The following CTBP1 variants were observed in gnomAD, a reference collection of about 807,000 sequenced individuals.
CTBP1 encodes the protein C-terminal binding protein 1.
Under a neutral mutation model 42.1 loss-of-function variants are expected in CTBP1, and 11 were observed. That is an observed-to-expected ratio of 0.26 (90% CI 0.16 to 0.43). The LOEUF is 0.43. CTBP1 is among the 20% of genes least tolerant of loss of function. The pLI is 1.00. For synonymous variants in CTBP1, 324 were observed against 277.1 expected (o/e 1.17, Z -1.68); for missense variants, 399 against 624.3 (o/e 0.64, Z 3.85).
At chr4:1,243,837 A>C in intron 1 of CTBP1, 2 of 984,936 alleles carry the variant, frequency 2.0e-6, no homozygotes, top group Non-Finnish European at 2.4e-6. Flanking sequence ...CTCATCAAAA[A>C]CTCACAGCCG....
At chr4:1,244,777 TC>T in intron 1 of CTBP1, 1 of 985,082 alleles carries the variant, frequency 1.0e-6, no homozygotes, top group South Asian at 4.7e-5. Context: ...CTGCCGTGAG[TC>T]CCCGGCAGCC....
At chr4:1,221,699 G>C (rs1489215717) in intron 5 of CTBP1, 4 of 344,772 alleles carry the variant, frequency 1.2e-5, no homozygotes, top group African/African-American at 8.7e-5. Flanking sequence ...CTAGGAAGCG[G>C]GACCCGGGTC....
chr4:1,243,648 G>C (rs1365626222), intron 1 of CTBP1: 16 of 985,318 alleles, frequency 1.6e-5, no homozygotes, highest in Non-Finnish European at 1.9e-5. Flanking sequence ...CCCTCACCTA[G>C]GGCAATGCCA....
chr4:1,241,808 C>A, intron 1 of CTBP1: 2 of 1,178,982 alleles, frequency 1.7e-6, no homozygotes, highest in Non-Finnish European at 1.1e-6. Context: ...GCCACCCCCA[C>A]AGGCTCTAGC....
chr4:1,229,154 AC>A (rs1730702068), intron 3 of CTBP1, among the ~76,000 whole-genome samples: 1 of 152,064 alleles, frequency 6.6e-6, no homozygotes, highest in Non-Finnish European at 1.5e-5. Context: ...GCTCCCAGTT[AC>A]CCCCAGCCCA....
intron 5 of CTBP1, among the ~76,000 whole-genome samples, chr4:1,222,003 GC>G (rs1476925350): frequency 6.6e-6 from 1 of 152,204 alleles, no homozygotes; most frequent in Non-Finnish European, 1.5e-5. Flanking sequence ...GCCACACGCT[GC>G]CCAGGGCTTC....
chr4:1,239,820 G>GT (rs1731970196), intron 2 of CTBP1, among the ~76,000 whole-genome samples: 1 of 152,310 alleles, frequency 6.6e-6, no homozygotes, highest in Non-Finnish European at 1.5e-5. Flanking sequence ...GATCCCAAAC[G>GT]TGAGGTCTGC....
intron 1 of CTBP1, chr4:1,245,117 C>A (rs1020121006): frequency 8.1e-6 from 8 of 985,384 alleles, no homozygotes; most frequent in Non-Finnish European, 9.6e-6. Flanking sequence ...GACAGCACCC[C>A]AGACAGACAC....
intron 1 of CTBP1, among the ~76,000 whole-genome samples, chr4:1,247,903 T>C (rs1732905344): frequency 6.6e-6 from 1 of 152,190 alleles, no homozygotes; most frequent in Non-Finnish European, 1.5e-5. Flanking sequence ...CGCCTTCCCT[T>C]TTCCCCACTG....
At chr4:1,217,950 T>C (rs1729317827) in intron 5 of CTBP1, 1 of 152,120 alleles carries the variant, frequency 6.6e-6, no homozygotes, top group South Asian at 2.1e-4. Flanking sequence ...GAATGGTAAC[T>C]CTATAAAGAA....
At chr4:1,248,279 G>A (rs1168310680) in intron 1 of CTBP1, among the ~76,000 whole-genome samples, 1 of 151,844 alleles carries the variant, frequency 6.6e-6, no homozygotes, top group Non-Finnish European at 1.5e-5. Context: ...CGCGGGAACG[G>A]AGACCCCGGG....
chr4:1,222,485 G>A (rs556476948), intron 5 of CTBP1, among the ~76,000 whole-genome samples: 180 of 152,214 alleles, frequency 1.2e-3, no homozygotes, highest in African/African-American at 4.0e-3. Flanking sequence ...CCCACAGGAC[G>A]ACCTGGGCCA....
At chr4:1,224,960 C>G (rs1730167241) in intron 5 of CTBP1, among the ~76,000 whole-genome samples, 1 of 150,912 alleles carries the variant, frequency 6.6e-6, no homozygotes, top group African/African-American at 2.4e-5. Flanking sequence ...CACATGTGTG[C>G]TCTGATTTCT....
intron 1 of CTBP1, chr4:1,241,724 T>C (rs1732197376): frequency 8.3e-7 from 1 of 1,210,310 alleles, no homozygotes. Context: ...CACCCTGAGG[T>C]TGCAGTGCCA....
intron 1 of CTBP1, chr4:1,242,383 A>C: frequency 2.0e-6 from 2 of 985,316 alleles, no homozygotes; most frequent in Non-Finnish European, 2.4e-6. Flanking sequence ...GGCCACCACC[A>C]GCCCAGCAGC....
intron 3 of CTBP1, among the ~76,000 whole-genome samples, chr4:1,229,122 G>A (rs1192820901): frequency 8.5e-5 from 13 of 152,174 alleles, no homozygotes; most frequent in Admixed American, 2.6e-4. Context: ...CTGTGGTCAC[G>A]GCCAACCCCA....
intron 4 of CTBP1, among the ~76,000 whole-genome samples, chr4:1,226,391 GGCCCGGAAGCTGGACAGGACCGTGT>G (rs1336906786): frequency 6.6e-6 from 1 of 152,130 alleles, no homozygotes; most frequent in Non-Finnish European, 1.5e-5. Flanking sequence ...TGCATTCATA[GGCCCGGAAGCTGGACAGGACCGTGT>G]GGTTCCGCAA....
intron 5 of CTBP1, among the ~76,000 whole-genome samples, chr4:1,218,866 A>T (rs899089327): frequency 6.6e-6 from 1 of 152,346 alleles, no homozygotes; most frequent in South Asian, 2.1e-4. Flanking sequence ...AGAAGGCCAG[A>T]AAGGAAAAAC....
chr4:1,245,105 A>C (rs1732579776), intron 1 of CTBP1: 2 of 984,140 alleles, frequency 2.0e-6, no homozygotes, highest in African/African-American at 1.7e-5. Context: ...AGCTCCTCCG[A>C]CGACAGCACC....
Sources: gnomAD v4.1 joint callset for allele counts (sites outside exome capture counted in the v4.1 genomes callset) on GRCh38, gnomAD v4.1.1 for gene constraint, MANE v1.5 for transcripts, NCBI Gene and HGNC (gene_info 2026-07-23, HGNC 2026-07-21) for gene names.